Variants in SIRPA observed in about 807,000 individuals in gnomAD.
SIRPA encodes signal regulatory protein alpha, also known as tyrosine-protein phosphatase non-receptor type substrate 1.
Under a neutral mutation model 50.3 loss-of-function variants are expected in SIRPA, and 9 were observed. The observed-to-expected ratio is 0.18, with a 90% CI of 0.11 to 0.31. The LOEUF is 0.31. SIRPA is among the 10% of genes least tolerant of loss of function. The pLI, the probability that SIRPA is intolerant of heterozygous loss-of-function variation, is 1.00. For missense variants in SIRPA, 474 were observed against 661.6 expected (o/e 0.72, Z 3.11); for synonymous variants, 265 against 284.1 (o/e 0.93, Z 0.68).
rs1041710473 is a variant in SIRPA at position 1,922,791 on chromosome 20, T to C, written c.1087+146T>C. On this transcript the variant is annotated intron_variant, in intron 4 of 7. Coordinates refer to ENST00000358771, the MANE Select transcript of SIRPA (RefSeq NM_001040023.2). ...GTAGAATTTTAATGTCAGCTCCATT[T>C]CCCCAAATCCCACACTCCAAGAGTC... 5 of 973,678 alleles carry C rather than the reference T, an allele frequency of 5.1e-6. No individual in the cohort carries two copies. The African/African-American group carries it at 6.6e-5, about 13-fold the overall frequency. 60.3% of individuals were successfully genotyped at this position (973,678 alleles called of 1,614,324 possible). A position where few individuals can be genotyped will look rare whatever the true frequency, so the allele number is the denominator to read the frequency against.
chr20:1,935,129 C>G (rs528043902), intron 7 of SIRPA, among the ~76,000 whole-genome samples: 2 of 152,212 alleles, frequency 1.3e-5, no homozygotes, highest in Non-Finnish European at 2.9e-5. Context: ...TCACTGCCCG[C>G]TCCTCACAGC....
In SIRPA at chr20:1,932,025, C is replaced by T. The variant is rs1986324514; in HGVS notation, c.1227-2690C>T. The stretch of plus-strand genomic sequence containing the variant: ...GGAGCAGAAAAGGCCCACCCCTGGT[C>T]TCATGGCACTTAAGAGCCAGTGAGA... On this transcript the variant is annotated intron_variant, in intron 6 of 7. Transcript: ENST00000358771. The surrounding 1 kb of genome is among the most constrained non-coding windows in gnomAD (Gnocchi z 6.0). 6.6e-6 allele frequency among the ~76,000 whole-genome samples: 1 copy of T among 152,138 alleles called. No homozygotes were observed. The highest frequency in any genetic ancestry group is 2.4e-5 in the African/African-American group (1 of 41,426).
At chr20:1,896,213 T>C (rs1983807697) in intron 1 of SIRPA, among the ~76,000 whole-genome samples, 1 of 152,204 alleles carries the variant, frequency 6.6e-6, no homozygotes, top group South Asian at 2.1e-4. Flanking sequence ...CAGCTCCCCC[T>C]TCCTCCTGCC....
Position 1,924,892 on chromosome 20 carries a change from C to T in SIRPA, c.1201+15C>T. The stretch of plus-strand genomic sequence containing the variant: ...ACAGAAGAAAGGTGGGTGCATTCCC[C>T]TCTTCCTCCCTAAGGGTTTGTCCCT... On this transcript the variant is annotated intron_variant, in intron 5 of 7. Coordinates refer to ENST00000358771, the MANE Select transcript of SIRPA (RefSeq NM_001040023.2). This position sits in a 1 kb window ranked among gnomAD's most constrained non-coding sequence, Gnocchi z 4.5. 1.9e-6 allele frequency: 3 copies of T among 1,594,048 alleles called. No individual in the cohort carries two copies. Among genetic ancestry groups the T allele is most frequent in the East Asian group, 2.2e-5 (1 of 44,758 alleles).
rs6045409 is a variant in SIRPA, at chr20:1,916,346, A to T, written c.436+891A>T. Among the ~76,000 whole-genome samples the T allele has an allele frequency of 5.2e-3, 796 of 152,324 alleles. 4 individuals are homozygous for T. Among genetic ancestry groups the T allele is most frequent in the African/African-American group, 0.018 (760 of 41,550 alleles). On this transcript the variant is annotated intron_variant, in intron 2 of 7. Coordinates refer to ENST00000358771, the MANE Select transcript of SIRPA (RefSeq NM_001040023.2). ...TTACAGGTGGAAACTTGAAGTCAGGAGATGACAGGGGCCTTGTCCACAGTC... is the reference window on the plus strand; with the variant it reads ...TTACAGGTGGAAACTTGAAGTCAGGTGATGACAGGGGCCTTGTCCACAGTC...
intron 2 of SIRPA, among the ~76,000 whole-genome samples, chr20:1,920,411 A>G (rs1985578682): frequency 6.6e-6 from 1 of 152,190 alleles, no homozygotes; most frequent in African/African-American, 2.4e-5. Flanking sequence ...GGTATGGGGT[A>G]ATGATTAGCA....
chr20:1,930,018 C>G (rs1392766615), intron 6 of SIRPA, among the ~76,000 whole-genome samples: 1 of 152,146 alleles, frequency 6.6e-6, no homozygotes, highest in Admixed American at 6.5e-5. Context: ...GCCCTCCTCC[C>G]CCTTGCACAC....
Position 1,922,203 on chromosome 20 carries a change from T to C in SIRPA, c.755-110T>C, listed in dbSNP as rs962664457. On this transcript the variant is annotated intron_variant, in intron 3 of 7. Transcript: ENST00000358771. Reference sequence around the variant, plus strand: ...AATGTCTGAGCACCTGATGCCTGCCTAGCTCTGTCCTGGTGATGACCTCAC... The same window carrying C: ...AATGTCTGAGCACCTGATGCCTGCCCAGCTCTGTCCTGGTGATGACCTCAC... The C allele has an allele frequency of 2.2e-6, 3 of 1,372,658 alleles. No homozygotes were observed. The African/African-American group carries it at 4.3e-5, about 20-fold the overall frequency. The allele number at this position is 1,372,658 out of a possible 1,614,324, so 85.0% of individuals were successfully genotyped here.
chr20:1,895,650 G>A (rs1038059925), intron 1 of SIRPA, 124 bp downstream of exon 1: 16 of 723,744 alleles, frequency 2.2e-5, no homozygotes, highest in Non-Finnish European at 2.8e-5. Flanking sequence ...CCTGTAACCA[G>A]GGTTATAGAT....
chr20:1,922,190 C>A, intron 3 of SIRPA, 123 bp from the exon 4 acceptor site: 3 of 1,208,548 alleles, frequency 2.5e-6, no homozygotes, highest in Non-Finnish European at 3.5e-6. Context: ...TGTCTGAGCA[C>A]CTGATGCCTG....
intron 7 of SIRPA, among the ~76,000 whole-genome samples, chr20:1,935,281 G>A (rs1188107473): frequency 2.6e-5 from 4 of 152,232 alleles, no homozygotes; most frequent in African/African-American, 7.2e-5. Context: ...GCATTGCTGA[G>A]ATGATTTTGC....
intron 1 of SIRPA, among the ~76,000 whole-genome samples, chr20:1,907,588 C>T (rs1214199503): frequency 1.3e-5 from 2 of 152,246 alleles, no homozygotes; most frequent in Admixed American, 1.3e-4. Context: ...CCACCAGCTC[C>T]AGGAAGTCTT....
chr20:1,926,962 G>C (rs1986015750), intron 5 of SIRPA, among the ~76,000 whole-genome samples: 1 of 152,212 alleles, frequency 6.6e-6, no homozygotes, highest in African/African-American at 2.4e-5. Context: ...TGGTGTAAAA[G>C]GGGGTGACTG....
At chr20:1,922,257 C>G (rs879630610) in intron 3 of SIRPA, 56 bp from the exon 4 acceptor site, 10 of 1,608,146 alleles carry the variant, frequency 6.2e-6, no homozygotes, top group Non-Finnish European at 8.5e-6. Context: ...TTATGGAGCC[C>G]TCCCTGTGAT....
intron 1 of SIRPA, among the ~76,000 whole-genome samples, chr20:1,896,027 C>T (rs566550335): frequency 6.6e-6 from 1 of 152,212 alleles, no homozygotes; most frequent in Non-Finnish European, 1.5e-5. Flanking sequence ...TGAGCCCTCC[C>T]TCTGGTGCGC....
At chr20:1,912,349 C>G (rs953504440) in intron 1 of SIRPA, among the ~76,000 whole-genome samples, 1 of 152,240 alleles carries the variant, frequency 6.6e-6, no homozygotes, top group South Asian at 2.1e-4. Flanking sequence ...CAGGCTGAGT[C>G]CCGGGCTCCG....
chr20:1,922,106 C>T (rs6112000), intron 3 of SIRPA, among the ~76,000 whole-genome samples: 1,943 of 152,274 alleles, frequency 0.013, 36 homozygotes, highest in African/African-American at 0.042. Flanking sequence ...GTAGGAGCTA[C>T]CAGTCCTTGA....
At chr20:1,911,980 A>AACATAC (rs981270401) in intron 1 of SIRPA, among the ~76,000 whole-genome samples, 1 of 152,174 alleles carries the variant, frequency 6.6e-6, no homozygotes, top group African/African-American at 2.4e-5. Flanking sequence ...TACTGGAAAA[A>AACATAC]ACATACACAT....
chr20:1,904,924 G>A (rs921112655), intron 1 of SIRPA, among the ~76,000 whole-genome samples: 6 of 152,120 alleles, frequency 3.9e-5, no homozygotes, highest in Non-Finnish European at 8.8e-5. Context: ...CTGAATTGGA[G>A]TCCAGCATGT....
Sources: allele counts gnomAD v4.1 joint callset (sites outside exome capture counted in the v4.1 genomes callset), GRCh38; gene constraint gnomAD v4.1.1; non-coding constraint Gnocchi (gnomAD v3.1); transcripts MANE v1.5; gene names NCBI Gene and HGNC (gene_info 2026-07-23, HGNC 2026-07-21).